Variants in EPN1 observed in about 807,000 individuals in gnomAD.
EPN1 encodes epsin-1.
Under a neutral mutation model 56.9 loss-of-function variants are expected in EPN1, and 25 were observed. The ratio of observed to expected loss-of-function variants is 0.44; its 90% CI spans 0.32 to 0.61. The LOEUF (loss-of-function observed/expected upper bound fraction) is 0.61, where lower values mean the gene tolerates loss of function less well. EPN1 is among the 20% of genes least tolerant of loss of function. The pLI is 0.05. For synonymous variants in EPN1, 411 were observed against 361.8 expected (o/e 1.14, Z -1.54); for missense variants, 785 against 823.7 (o/e 0.95, Z 0.58).
chr19:55,695,261 C>T lies in EPN1; in HGVS notation c.1636C>T (p.Pro546Ser). ...SPVPPVPGAP[P>S]TYISPLGGGP... Reference sequence around the variant, plus strand: ...TGTGCCTCCCGTCCCTGGAGCGCCACCCACGTACATCTCTCCCCTTGGCGG... The same window carrying T: ...TGTGCCTCCCGTCCCTGGAGCGCCATCCACGTACATCTCTCCCCTTGGCGG... The change falls in exon 11 of 11, where the codon CCC (proline) becomes TCC (serine). Residue 546 changes from proline (P) to serine (S), a missense_variant. Pro to Ser is a moderately conservative substitution (Grantham distance 74, BLOSUM62 -1). Coordinates refer to ENST00000270460, the MANE Select transcript of EPN1 (RefSeq NM_001130072.2). The surrounding 1 kb of genome is among the most constrained non-coding windows in gnomAD (Gnocchi z 4.4). 1 of 1,609,798 alleles carries T rather than the reference C, an allele frequency of 6.2e-7. No homozygotes were observed. Among genetic ancestry groups the T allele is most frequent in the Non-Finnish European group, 8.5e-7 (1 of 1,178,860 alleles).
At chr19:55,680,343 C>T (rs899725862) in intron 2 of EPN1, among the ~76,000 whole-genome samples, 2 of 152,208 alleles carry the variant, frequency 1.3e-5, no homozygotes, top group African/African-American at 4.8e-5. Flanking sequence ...GGACTCTCCC[C>T]AGGCCTGGCT....
chr19:55,688,795 G>T lies in EPN1; in HGVS notation c.479-75G>T, dbSNP rs1055122121. The T allele has an allele frequency of 5.2e-6, 8 of 1,540,482 alleles. No individual in the cohort carries two copies. In the Admixed American group the frequency reaches 7.9e-5, roughly 15 times the overall value. ...GGTGGGGTTGGACACAGAAGCCCCC[G>T]TCTGTCTAGGCTATGGGGTTTCCTG... On this transcript the variant is annotated intron_variant, in intron 3 of 10. Transcript: ENST00000270460.
chr19:55,688,767 G>A lies in EPN1; in HGVS notation c.479-103G>A, dbSNP rs913040038. ...CAGAGGTTGTAGGGTGGGGGACTTG[G>A]GGGGTGGGGTTGGACACAGAAGCCC... On this transcript the variant is annotated intron_variant, in intron 3 of 10. Coordinates refer to ENST00000270460, the MANE Select transcript of EPN1 (RefSeq NM_001130072.2). 5.6e-5 allele frequency: 84 copies of A among 1,495,868 alleles called. No individual in the cohort carries two copies. In the African/African-American group the frequency reaches 1.1e-3, roughly 19 times the overall value. The allele number at this position is 1,495,868 out of a possible 1,614,324, so 92.7% of individuals were successfully genotyped here.
Position 55,688,865 on chromosome 19 carries a change from T to C in EPN1, c.479-5T>C. 6.3e-7 allele frequency: 1 copy of C among 1,574,940 alleles called. No homozygotes were observed. The highest frequency in any genetic ancestry group is 1.2e-5 in the South Asian group (1 of 86,024). ...GGTCTCACGCGTTTCTCACCCGCCC[T>C]CCAGCCTCATCAGCAGCTGTGGGCT... On this transcript the variant is annotated splice_polypyrimidine_tract_variant and splice_region_variant and intron_variant, in intron 3 of 10. Transcript: ENST00000270460.
At chr19:55,682,368 C>G (rs1258232874) in intron 2 of EPN1, among the ~76,000 whole-genome samples, 1 of 152,144 alleles carries the variant, frequency 6.6e-6, no homozygotes, top group Admixed American at 6.5e-5. Flanking sequence ...TGTCTGGCTT[C>G]TTTTGCTCAC....
Position 55,708,340 on chromosome 19 carries a change from A to G in EPN1, c.*12984A>G, listed in dbSNP as rs1238653552. 6.6e-6 allele frequency: 1 copy of G among 152,242 alleles called. No individual in the cohort carries two copies. Among genetic ancestry groups the G allele is most frequent in the Non-Finnish European group, 1.5e-5 (1 of 68,044 alleles). 9.4% of individuals were successfully genotyped at this position (152,242 alleles called of 1,614,324 possible). ...TAATTATGACAATGAAGTGTTTAAT[A>G]TTGTGTTTTGAAATATAAACAGTGT... On this transcript the variant is annotated 3_prime_UTR_variant, in exon 11 of 11. Transcript: ENST00000270460.
intron 9 of EPN1, 72 bp downstream of exon 9, chr19:55,693,109 G>A: frequency 1.3e-6 from 2 of 1,481,810 alleles, no homozygotes; most frequent in Non-Finnish European, 1.9e-6. Context: ...CCCGTCCCTT[G>A]CTGTCTTTGT....
rs1475422984 is a variant in EPN1 at position 55,696,067 on chromosome 19, A to G, written c.*711A>G. 1.3e-5 allele frequency: 2 copies of G among 152,490 alleles called. No individual in the cohort carries two copies. Among genetic ancestry groups the G allele is most frequent in the East Asian group, 3.9e-4 (2 of 5,170 alleles). The allele number at this position is 152,490 out of a possible 1,614,324, so 9.4% of individuals were successfully genotyped here. A position where few individuals can be genotyped will look rare whatever the true frequency, so the allele number is the denominator to read the frequency against. Reference sequence around the variant, plus strand: ...AGGGGACACCAGGATGAGGTCAGAGAGTGCACTGGGGTTCAGGGAGGAGAA... The same window carrying G: ...AGGGGACACCAGGATGAGGTCAGAGGGTGCACTGGGGTTCAGGGAGGAGAA... On this transcript the variant is annotated 3_prime_UTR_variant, in exon 11 of 11. Transcript: ENST00000270460.
intron 3 of EPN1, among the ~76,000 whole-genome samples, chr19:55,686,040 G>A (rs889497560): frequency 6.6e-6 from 1 of 152,208 alleles, no homozygotes; most frequent in African/African-American, 2.4e-5. Context: ...AGAGGCAGAG[G>A]GGGGCCTGGA....
rs1568587726 is a variant in EPN1 at position 55,706,277 on chromosome 19, C to CTTTTTTTTTTTTTTTTTTTTTTTTTTT, written c.*10923_*10924insTTTTTTTTTTTTTTTTTTTTTTTTTTT. On this transcript the variant is annotated 3_prime_UTR_variant, in exon 11 of 11. Transcript: ENST00000270460. Reference sequence around the variant, plus strand: ...TCTTTTCTTCCTTTCTTCTCTTTTTCTTCTTCTTTTTTTTTTTTTTTTAAA... The same window carrying CTTTTTTTTTTTTTTTTTTTTTTTTTTT: ...TCTTTTCTTCCTTTCTTCTCTTTTTCTTTTTTTTTTTTTTTTTTTTTTTTTTTTTCTTCTTTTTTTTTTTTTTTTAAA... 4.1e-5 allele frequency: 4 copies of CTTTTTTTTTTTTTTTTTTTTTTTTTTT among 98,536 alleles called. No individual in the cohort carries two copies. Among genetic ancestry groups the CTTTTTTTTTTTTTTTTTTTTTTTTTTT allele is most frequent in the Admixed American group, 9.7e-5 (1 of 10,322 alleles). 6.1% of individuals were successfully genotyped at this position (98,536 alleles called of 1,614,324 possible). A position where few individuals can be genotyped will look rare whatever the true frequency, so the allele number is the denominator to read the frequency against.
At chr19:55,685,728 T>C (rs1488009085) in intron 3 of EPN1, 83 bp downstream of exon 3, 37 of 1,501,708 alleles carry the variant, frequency 2.5e-5, no homozygotes, top group Non-Finnish European at 3.1e-5. Context: ...GCCCACTGCT[T>C]TCTCTCCCAG....
intron 3 of EPN1, 30 bp downstream of exon 3, chr19:55,685,675 C>G (rs534594627): frequency 2.5e-6 from 4 of 1,569,732 alleles, no homozygotes; most frequent in African/African-American, 2.7e-5. Flanking sequence ...CCCTGACGGC[C>G]TAGAGTCTGT....
intron 1 of EPN1, chr19:55,676,610 G>GGCCT (rs1985449537): frequency 6.5e-6 from 1 of 153,272 alleles, no homozygotes; most frequent in Admixed American, 6.5e-5. Context: ...TTAATCAACA[G>GGCCT]GCCTACCAGG....
At position 55,686,477 on chromosome 19, in the gene EPN1, C is replaced by T. The variant is rs913362159; in HGVS notation, c.478+832C>T. On this transcript the variant is annotated intron_variant, in intron 3 of 10. Coordinates refer to ENST00000270460, the MANE Select transcript of EPN1 (RefSeq NM_001130072.2). Reference sequence around the variant, plus strand: ...TGCCCTGGAGGTGGAGGTGGGTCAGCCAGGCCGGTGCAGACAGGAGGAAGG... The same window carrying T: ...TGCCCTGGAGGTGGAGGTGGGTCAGTCAGGCCGGTGCAGACAGGAGGAAGG... Among the ~76,000 whole-genome samples, 4 of 152,144 alleles carry T rather than the reference C, an allele frequency of 2.6e-5. No individual in the cohort carries two copies. In the South Asian group the frequency reaches 6.2e-4, roughly 24 times the overall value.
Position 55,692,749 on chromosome 19 carries a change from A to G in EPN1, c.1130A>G (p.Asp377Gly). Reference protein sequence around the residue: ...DPWTPAPAFSDPWGGSPAKPS... With the variant: ...DPWTPAPAFSGPWGGSPAKPS... ...TGGACACCGGCCCCGGCCTTCTCAG[A>G]TCCCTGGGGAGGGTCACCTGCCAAG... The change falls in exon 8 of 11, where the codon GAT becomes GGT. Residue 377 changes from aspartate to glycine, a missense_variant. Coordinates refer to ENST00000270460, the MANE Select transcript of EPN1 (RefSeq NM_001130072.2). 6.3e-7 allele frequency: 1 copy of G among 1,583,876 alleles called. No homozygotes were observed. The highest frequency in any genetic ancestry group is 8.6e-7 in the Non-Finnish European group (1 of 1,165,654).
chr19:55,689,760 G>C lies in EPN1; in HGVS notation c.679-107G>C, dbSNP rs1442661513. 4 of 1,022,276 alleles carry C rather than the reference G, an allele frequency of 3.9e-6. No homozygotes were observed. The highest frequency in any genetic ancestry group is 1.5e-6 in the Non-Finnish European group (1 of 672,260). 63.3% of individuals were successfully genotyped at this position (1,022,276 alleles called of 1,614,324 possible). On this transcript the variant is annotated intron_variant, in intron 5 of 10. Coordinates refer to ENST00000270460, the MANE Select transcript of EPN1 (RefSeq NM_001130072.2). This position sits in a 1 kb window ranked among gnomAD's most constrained non-coding sequence, Gnocchi z 5.7. ...TGTCCGCATCCCATCGAATCCTTCA[G>C]CCGCTTTCGTTGGGGTGGGAGGGGT... is the stretch of plus-strand genomic sequence containing the variant.
At chr19:55,687,725 C>T (rs906800583) in intron 3 of EPN1, among the ~76,000 whole-genome samples, 1 of 152,168 alleles carries the variant, frequency 6.6e-6, no homozygotes, top group Admixed American at 6.5e-5. Context: ...CCGTCAATCC[C>T]TGCTGGTTCT....
Position 55,678,065 on chromosome 19 carries a change from G to A in EPN1, c.-101-462G>A, listed in dbSNP as rs562222879. 9.3e-5 allele frequency among the ~76,000 whole-genome samples: 14 copies of A among 150,266 alleles called. No individual in the cohort carries two copies. In the South Asian group the frequency reaches 3.0e-3, roughly 32 times the overall value. On this transcript the variant is annotated intron_variant, in intron 1 of 10. Transcript: ENST00000270460. ...AGGGATAGGTGACTGTGATGTTTGG[G>A]TGTGCACCTGGGAAGTGTAAGCAGA...
Position 55,706,962 on chromosome 19 carries a change from G to A in EPN1, c.*11606G>A, listed in dbSNP as rs1215506448. 6.6e-6 allele frequency: 1 copy of A among 152,204 alleles called. No individual in the cohort carries two copies. The highest frequency in any genetic ancestry group is 1.5e-5 in the Non-Finnish European group (1 of 68,122). 9.4% of individuals were successfully genotyped at this position (152,204 alleles called of 1,614,324 possible). On this transcript the variant is annotated 3_prime_UTR_variant, in exon 11 of 11. Coordinates refer to ENST00000270460, the MANE Select transcript of EPN1 (RefSeq NM_001130072.2). ...GGCCGAGGCAGGCGGATTACCTCAG[G>A]TCAGGAGTTTGAGACCAGCCTGACC...
Sources: allele counts gnomAD v4.1 joint callset (sites outside exome capture counted in the v4.1 genomes callset), GRCh38; gene constraint gnomAD v4.1.1; non-coding constraint Gnocchi (gnomAD v3.1); transcripts MANE v1.5; gene names NCBI Gene and HGNC (gene_info 2026-07-23, HGNC 2026-07-21).